Variants in DPF3 observed in about 807,000 individuals in gnomAD.
The protein encoded by DPF3 is zinc finger protein DPF3.
A neutral mutation model predicts 56.8 loss-of-function variants in DPF3; 18 were observed. That is an observed-to-expected ratio of 0.32 (90% CI 0.22 to 0.47). The LOEUF (loss-of-function observed/expected upper bound fraction) is 0.47. DPF3 is among the 20% of genes least tolerant of loss of function. The pLI, the probability that DPF3 is intolerant of heterozygous loss-of-function variation, is 1.00. For missense variants in DPF3, 403 were observed against 488.8 expected, an observed-to-expected ratio of 0.82 and a Z score of 1.65; for synonymous variants, 188 against 180.2, an observed-to-expected ratio of 1.04 and a Z score of -0.35.
chr14:72,720,333 C>T (rs141573186), intron 5 of DPF3, among the ~76,000 whole-genome samples: 1 of 143,822 alleles, frequency 7.0e-6, no homozygotes, highest in African/African-American at 2.5e-5. Flanking sequence ...ATCTCTAAAA[C>T]ATAATAATTA....
chr14:72,630,046 T>A (rs1885083029), intron 8 of DPF3, among the ~76,000 whole-genome samples: 1 of 151,812 alleles, frequency 6.6e-6, no homozygotes, highest in Non-Finnish European at 1.5e-5. Context: ...AACTGCAGAG[T>A]ACACAGCCTG....
chr14:72,680,312 TGTG>T (rs960655606), intron 7 of DPF3, among the ~76,000 whole-genome samples: 1 of 152,112 alleles, frequency 6.6e-6, no homozygotes, highest in Non-Finnish European at 1.5e-5. Context: ...GAATAAAAAG[TGTG>T]GGGCTTTCAT....
intron 1 of DPF3, among the ~76,000 whole-genome samples, chr14:72,869,609 A>G (rs1226232661): frequency 3.9e-5 from 6 of 152,116 alleles, no homozygotes; most frequent in African/African-American, 1.2e-4. Flanking sequence ...TCTTCCCAGT[A>G]AGAGCATCTC....
At position 72,609,337 on chromosome 14, in the gene DPF3, G is replaced by A. The variant is rs1216123271; in HGVS notation, c.*9960C>T. ...AGAGGTGGGGTGGTCCTGGCACGTG[G>A]GCCACCAGTCTTCTGAATGAAGAGT... On this transcript the variant is annotated 3_prime_UTR_variant, in exon 11 of 11. Coordinates refer to ENST00000556509, the MANE Select transcript of DPF3 (RefSeq NM_001280542.3). 3.3e-5 allele frequency among the ~76,000 whole-genome samples: 5 copies of A among 152,176 alleles called. No homozygotes were observed. Among genetic ancestry groups the A allele is most frequent in the African/African-American group, 9.7e-5 (4 of 41,440 alleles).
At chr14:72,661,327 G>A (rs989779860) in intron 8 of DPF3, 6 of 985,218 alleles carry the variant, frequency 6.1e-6, no homozygotes, top group East Asian at 1.1e-4. Flanking sequence ...GCAGGAAGTC[G>A]GTGCCCACCT....
chr14:72,824,969 C>G (rs993716564), intron 1 of DPF3, among the ~76,000 whole-genome samples: 1 of 152,016 alleles, frequency 6.6e-6, no homozygotes, highest in South Asian at 2.1e-4. Context: ...CTCACTGAAA[C>G]CTCCACCTCC....
At chr14:72,657,597 T>C (rs1303521568) in intron 8 of DPF3, among the ~76,000 whole-genome samples, 1 of 152,114 alleles carries the variant, frequency 6.6e-6, no homozygotes, top group Non-Finnish European at 1.5e-5. Context: ...TCTCTTTCCA[T>C]AGTCCTGAAG....
intron 1 of DPF3, among the ~76,000 whole-genome samples, chr14:72,832,163 G>T (rs988010045): frequency 1.3e-5 from 2 of 152,142 alleles, no homozygotes; most frequent in African/African-American, 4.8e-5. Flanking sequence ...GCTGCAATGA[G>T]CTATGATTGC....
chr14:72,731,833 C>T lies in DPF3; in HGVS notation c.403G>A (p.Glu135Lys). Residue 135 changes from glutamate to lysine, a missense_variant, in exon 4 of 11, where the codon GAG becomes AAG. Transcript: ENST00000556509. Reference protein sequence around the residue: ...EGVEKKVDAREEESIQEIQRV... With the variant: ...EGVEKKVDARKEESIQEIQRV... ...TGTATTTCCTGGATGCTTTCCTCCT[C>T]CCTGGCATCCACCTTCTTCTCAACC... The T allele has an allele frequency of 6.2e-7, 1 of 1,613,394 alleles. No homozygotes were observed. The highest frequency in any genetic ancestry group is 8.5e-7 in the Non-Finnish European group (1 of 1,179,720).
intron 1 of DPF3, among the ~76,000 whole-genome samples, chr14:72,857,999 A>G (rs939221393): frequency 7.9e-5 from 12 of 152,098 alleles, no homozygotes; most frequent in African/African-American, 2.9e-4. Flanking sequence ...GAAAACGTTC[A>G]GAGCAAAATC....
chr14:72,671,407 C>T, intron 8 of DPF3: 2 of 1,580,518 alleles, frequency 1.3e-6, no homozygotes, highest in Non-Finnish European at 8.7e-7. Flanking sequence ...ATTCTCATTA[C>T]ATTATTACAA....
At chr14:72,806,762 T>A (rs1882801805) in intron 1 of DPF3, 1 of 152,174 alleles carries the variant, frequency 6.6e-6, no homozygotes. Context: ...CCCTTCGCAC[T>A]TCGCTTGCCT....
chr14:72,690,487 C>T (rs945512272), intron 7 of DPF3, among the ~76,000 whole-genome samples: 1 of 152,170 alleles, frequency 6.6e-6, no homozygotes, highest in South Asian at 2.1e-4. Flanking sequence ...CACACACACA[C>T]GCAGGTACAC....
intron 1 of DPF3, among the ~76,000 whole-genome samples, chr14:72,859,143 T>C (rs944725933): frequency 6.6e-6 from 1 of 152,194 alleles, no homozygotes; most frequent in Non-Finnish European, 1.5e-5. Flanking sequence ...ATGTCTGAGA[T>C]TTATTTCAAA....
intron 1 of DPF3, among the ~76,000 whole-genome samples, chr14:72,872,250 T>A (rs1335101125): frequency 6.6e-6 from 1 of 152,146 alleles, no homozygotes; most frequent in Non-Finnish European, 1.5e-5. Flanking sequence ...CTCCTGGGCC[T>A]CCAGGCCTGT....
intron 8 of DPF3, among the ~76,000 whole-genome samples, chr14:72,645,560 G>A (rs943069825): frequency 8.5e-5 from 13 of 152,116 alleles, no homozygotes; most frequent in African/African-American, 3.1e-4. Flanking sequence ...TTTAATGATG[G>A]CTAATATTTT....
chr14:72,813,043 C>T (rs1037960264), intron 1 of DPF3, among the ~76,000 whole-genome samples: 16 of 152,220 alleles, frequency 1.1e-4, no homozygotes, highest in Admixed American at 2.0e-4. Context: ...CCTTGCTTTT[C>T]GGGGGCTCCT....
At chr14:72,658,670 A>T (rs1207560694) in intron 8 of DPF3, among the ~76,000 whole-genome samples, 1 of 152,218 alleles carries the variant, frequency 6.6e-6, no homozygotes, top group East Asian at 1.9e-4. Context: ...CATGTGCTGA[A>T]TAATGACCTA....
At chr14:72,810,367 AG>A (rs1431953349) in intron 1 of DPF3, among the ~76,000 whole-genome samples, 6 of 152,222 alleles carry the variant, frequency 3.9e-5, no homozygotes, top group Non-Finnish European at 4.4e-5. Flanking sequence ...CAGGACACAG[AG>A]GAAGGAAGAG....
Sources: allele counts gnomAD v4.1 joint callset (sites outside exome capture counted in the v4.1 genomes callset), GRCh38; gene constraint gnomAD v4.1.1; transcripts MANE v1.5; gene names NCBI Gene and HGNC (gene_info 2026-07-23, HGNC 2026-07-21).